Variants in NGEF observed in about 807,000 individuals in gnomAD.
NGEF encodes the protein neuronal guanine nucleotide exchange factor.
NGEF carries 31 observed loss-of-function variants against 80.9 expected under a neutral mutation model. The observed-to-expected ratio is 0.38, with a 90% CI of 0.29 to 0.52. NGEF has a LOEUF of 0.52. Among genes scored for constraint, NGEF ranks in the 20% least tolerant of loss-of-function variants. The pLI, the probability that NGEF is intolerant of heterozygous loss-of-function variation, is 0.84. For missense variants in NGEF, 709 were observed against 926.2 expected (o/e 0.77, Z 3.04); for synonymous variants, 371 against 370.2 (o/e 1.00, Z -0.03).
chr2:232,972,176 C>A (rs141307405), intron 2 of NGEF, among the ~76,000 whole-genome samples: 2 of 152,216 alleles, frequency 1.3e-5, no homozygotes, highest in East Asian at 1.9e-4. Flanking sequence ...ACATTTTATG[C>A]AATCTAATTC....
intron 9 of NGEF, 83 bp downstream of exon 9, chr2:232,887,950 A>C (rs1257837921): frequency 9.8e-7 from 1 of 1,016,502 alleles, no homozygotes; most frequent in African/African-American, 1.6e-5. Flanking sequence ...ACACACGGAC[A>C]TGTGGGGAGC....
intron 1 of NGEF, among the ~76,000 whole-genome samples, chr2:233,000,828 G>A (rs996787777): frequency 6.6e-6 from 1 of 151,854 alleles, no homozygotes; most frequent in Admixed American, 6.6e-5. Context: ...ATCATCACAC[G>A]GGGGGTTAGG....
intron 5 of NGEF, among the ~76,000 whole-genome samples, chr2:232,899,797 C>A: frequency 2.5e-5 from 1 of 39,798 alleles, no homozygotes; most frequent in Admixed American, 2.2e-4. Flanking sequence ...CACATTCACT[C>A]ACACACACGC....
intron 9 of NGEF, among the ~76,000 whole-genome samples, chr2:232,886,062 C>T (rs1452947127): frequency 7.2e-5 from 7 of 96,838 alleles, no homozygotes; most frequent in Non-Finnish European, 8.9e-5. Flanking sequence ...AACCACAAGC[C>T]CTTTTTGTAA....
chr2:232,962,962 G>A (rs894297958), intron 3 of NGEF, among the ~76,000 whole-genome samples: 1 of 151,882 alleles, frequency 6.6e-6, no homozygotes, highest in Non-Finnish European at 1.5e-5. Context: ...GTTAACGTAT[G>A]CATTAAACCT....
At chr2:232,951,601 T>G (rs1458383758) in intron 3 of NGEF, among the ~76,000 whole-genome samples, 1 of 152,166 alleles carries the variant, frequency 6.6e-6, no homozygotes, top group Non-Finnish European at 1.5e-5. Context: ...CAATTACCCA[T>G]GTCAGAGACA....
chr2:233,002,393 T>C (rs943766416), intron 1 of NGEF, among the ~76,000 whole-genome samples: 3 of 152,010 alleles, frequency 2.0e-5, no homozygotes, highest in Non-Finnish European at 2.9e-5. Flanking sequence ...AAATTGTAAA[T>C]GTGGCCAGAC....
At chr2:233,001,684 A>G (rs1205005564) in intron 1 of NGEF, among the ~76,000 whole-genome samples, 1 of 152,218 alleles carries the variant, frequency 6.6e-6, no homozygotes, top group Non-Finnish European at 1.5e-5. Context: ...AACGAGCAGT[A>G]GCCTGGCCAA....
At chr2:232,885,674 G>A (rs908729756) in intron 9 of NGEF, 8 of 349,074 alleles carry the variant, frequency 2.3e-5, no homozygotes, top group Non-Finnish European at 3.7e-5. Flanking sequence ...TGGACGGACC[G>A]GCAGGGCTCC....
At chr2:232,956,455 C>T (rs1161668872) in intron 3 of NGEF, among the ~76,000 whole-genome samples, 1 of 152,030 alleles carries the variant, frequency 6.6e-6, no homozygotes, top group African/African-American at 2.4e-5. Context: ...TTGATAGAAC[C>T]AATAAAATAG....
At chr2:232,886,292 G>GCTGTGTGTA (rs1268095678) in intron 9 of NGEF, among the ~76,000 whole-genome samples, 1 of 148,456 alleles carries the variant, frequency 6.7e-6, no homozygotes, top group African/African-American at 2.5e-5. Flanking sequence ...GTGTGTGCGT[G>GCTGTGTGTA]CTGTGTGTAC....
intron 1 of NGEF, among the ~76,000 whole-genome samples, chr2:232,992,116 T>C (rs1161096750): frequency 6.6e-6 from 1 of 152,146 alleles, no homozygotes; most frequent in Non-Finnish European, 1.5e-5. Flanking sequence ...GGTAAAACCA[T>C]AAAACTCTTA....
At chr2:232,951,967 G>A (rs910460194) in intron 3 of NGEF, among the ~76,000 whole-genome samples, 8 of 152,166 alleles carry the variant, frequency 5.3e-5, no homozygotes, top group African/African-American at 1.7e-4. Flanking sequence ...CAGTTGAAGG[G>A]CAAAGGGAAA....
At chr2:232,905,551 G>C (rs1692484569) in intron 5 of NGEF, 1 of 280,320 alleles carries the variant, frequency 3.6e-6, no homozygotes, top group Non-Finnish European at 7.2e-6. Context: ...GAGCGTCTCT[G>C]CCTGGCCGCC....
At position 232,988,036 on chromosome 2, in the gene NGEF, CGTGTGTGTGTGTGT is replaced by C. The variant is rs57143286; in HGVS notation, c.-74-13086_-74-13073del. On this transcript the variant is annotated intron_variant, in intron 1 of 14. Transcript: ENST00000264051. ...GTCACCCTTCTGGAAGGGATGGTCT[CGTGTGTGTGTGTGT>C]GTGTGTGTGTGTGTGTGTGTGTGTG... 4.6e-3 allele frequency among the ~76,000 whole-genome samples: 645 copies of C among 140,356 alleles called. 4 individuals are homozygous for C. The highest frequency in any genetic ancestry group is 6.3e-3 in the Non-Finnish European group (404 of 64,358). 92.1% of individuals were successfully genotyped at this position (140,356 alleles called of 152,430 possible). A position where few individuals can be genotyped will look rare whatever the true frequency, so the allele number is the denominator to read the frequency against.
chr2:232,949,275 C>A (rs184512687), intron 3 of NGEF, among the ~76,000 whole-genome samples: 71 of 152,264 alleles, frequency 4.7e-4, no homozygotes, highest in African/African-American at 1.7e-3. Context: ...TCATAGTGGG[C>A]ACTCTGTAAA....
intron 5 of NGEF, among the ~76,000 whole-genome samples, chr2:232,906,102 CCGTCT>C: frequency 2.8e-5 from 3 of 107,818 alleles, no homozygotes; most frequent in African/African-American, 1.0e-4. Context: ...GTCAGCCGTC[CCGTCT>C]GGGAGGGAGG....
intron 5 of NGEF, among the ~76,000 whole-genome samples, chr2:232,903,810 A>G (rs182128396): frequency 6.6e-6 from 1 of 152,378 alleles, no homozygotes; most frequent in African/African-American, 2.4e-5. Flanking sequence ...TAAATTAAAG[A>G]ATGATCACAA....
chr2:232,902,217 C>T (rs1435909405), intron 5 of NGEF, among the ~76,000 whole-genome samples: 1 of 152,238 alleles, frequency 6.6e-6, no homozygotes, highest in Non-Finnish European at 1.5e-5. Flanking sequence ...CAGTCATTTA[C>T]ACTGCAGGCA....
Sources: gnomAD v4.1 joint callset for allele counts (sites outside exome capture counted in the v4.1 genomes callset) on GRCh38, gnomAD v4.1.1 for gene constraint, MANE v1.5 for transcripts, NCBI Gene and HGNC (gene_info 2026-07-23, HGNC 2026-07-21) for gene names.